The following FSIP2 variants were observed in gnomAD, a reference collection of about 807,000 sequenced individuals.
FSIP2 encodes fibrous sheath interacting protein 2.
A neutral mutation model predicts 510.5 loss-of-function variants in FSIP2; 367 were observed. The ratio of observed to expected loss-of-function variants is 0.72; its 90% CI spans 0.66 to 0.78. The LOEUF (loss-of-function observed/expected upper bound fraction) is 0.78. Ranked by LOEUF, FSIP2 falls within the 30% of genes least tolerant of loss-of-function variation. The pLI is 0.00. For missense variants in FSIP2, 7,594 were observed against 7,901.7 expected (o/e 0.96, Z 1.48); for synonymous variants, 2,601 against 2,732.2 (o/e 0.95, Z 1.50).
chr2:185,770,497 A>T (rs1692585734), intron 13 of FSIP2, among the ~76,000 whole-genome samples: 1 of 152,128 alleles, frequency 6.6e-6, no homozygotes, highest in Admixed American at 6.6e-5. Flanking sequence ...GGTGGGTGCC[A>T]CGCTCTTAAA....
chr2:185,780,752 AGCTC>A, intron 13 of FSIP2, among the ~76,000 whole-genome samples: 6 of 151,828 alleles, frequency 4.0e-5, no homozygotes, highest in African/African-American at 1.5e-4. Context: ...GTTATATGTG[AGCTC>A]AGTTTTGACA....
At chr2:185,751,768 CTTTAA>C (rs140702153) in intron 7 of FSIP2, among the ~76,000 whole-genome samples, 81,686 of 150,280 alleles carry the variant, frequency 0.54, 22,391 homozygotes, top group South Asian at 0.64. Context: ...CAGTATATGT[CTTTAA>C]TTTATTAGGG....
chr2:185,791,884 C>T lies in FSIP2; in HGVS notation c.4748C>T (p.Ser1583Leu), dbSNP rs2105615774. 2.0e-6 allele frequency: 3 copies of T among 1,533,862 alleles called. No homozygotes were observed. The East Asian group carries it at 7.3e-5, about 38-fold the overall frequency. Reference sequence around the variant, plus strand: ...CCAAATAAACTAAAAGCTGTAGCTTCAGATATTCTTAATATGGTTTTTGCT... The same window carrying T: ...CCAAATAAACTAAAAGCTGTAGCTTTAGATATTCTTAATATGGTTTTTGCT... ...MHPNKLKAVA[S>L]DILNMVFAKL... The change falls in exon 16 of 23, where the codon TCA becomes TTA. Residue 1583 changes from serine to leucine, a missense_variant. Transcript: ENST00000424728.
intron 19 of FSIP2, among the ~76,000 whole-genome samples, chr2:185,822,504 G>T (rs547999022): frequency 6.6e-6 from 1 of 151,876 alleles, no homozygotes; most frequent in South Asian, 2.1e-4. Context: ...ATTTAACCAA[G>T]GAATTGAAAG....
At position 185,797,317 on chromosome 2, in the gene FSIP2, A is replaced by T. The variant is rs1354627007; in HGVS notation, c.10181A>T (p.Glu3394Val). The T allele has an allele frequency of 1.3e-6, 2 of 1,525,688 alleles. No homozygotes were observed. The highest frequency in any genetic ancestry group is 1.4e-5 in the African/African-American group (1 of 72,098). The allele number at this position is 1,525,688 out of a possible 1,614,324, so 94.5% of individuals were successfully genotyped here. The change falls in exon 16 of 23, where the codon GAG becomes GTG. Residue 3394 changes from glutamate (E) to valine (V), a missense_variant. By Grantham distance (121) the Glu-to-Val change is moderately radical. Coordinates refer to ENST00000424728, the MANE Select transcript of FSIP2 (RefSeq NM_173651.4). Reference sequence around the variant, plus strand: ...GATAAAAAAATCAACTATATACCTGAGGAAGAAAATGAAAACCTTGAAGCC... The same window carrying T: ...GATAAAAAAATCAACTATATACCTGTGGAAGAAAATGAAAACCTTGAAGCC... ...MQDKKINYIPEEENENLEASR... is the reference protein window; with the variant it reads ...MQDKKINYIPVEENENLEASR...
intron 13 of FSIP2, chr2:185,765,779 T>C (rs1049730531): frequency 2.6e-5 from 4 of 152,094 alleles, no homozygotes; most frequent in African/African-American, 9.7e-5. Context: ...CCCATGAGCA[T>C]GGAATGTTCT....
At chr2:185,809,290 A>G (rs1168901498) in intron 17 of FSIP2, among the ~76,000 whole-genome samples, 157 bp downstream of exon 17, 1 of 152,068 alleles carries the variant, frequency 6.6e-6, no homozygotes, top group Non-Finnish European at 1.5e-5. Flanking sequence ...CCATACAGTC[A>G]TATTATTTAC....
chr2:185,795,451 G>A lies in FSIP2; in HGVS notation c.8315G>A (p.Gly2772Asp). ...ALPSDQIIAA[G>D]KIVNTVLQEL... ...CCATCTGATCAAATCATAGCAGCAG[G>A]TAAAATAGTTAATACAGTTTTGCAA... The change falls in exon 16 of 23, where the codon GGT becomes GAT. Residue 2772 changes from glycine (G) to aspartate (D), a missense_variant. By Grantham distance (94) the Gly-to-Asp change is moderately conservative. Transcript: ENST00000424728. 2 of 1,534,784 alleles carry A rather than the reference G, an allele frequency of 1.3e-6. No individual in the cohort carries two copies. Among genetic ancestry groups the A allele is most frequent in the African/African-American group, 1.4e-5 (1 of 73,002 alleles).
intron 13 of FSIP2, among the ~76,000 whole-genome samples, chr2:185,769,655 G>A (rs1447271220): frequency 2.0e-5 from 3 of 152,074 alleles, no homozygotes; most frequent in Non-Finnish European, 4.4e-5. Flanking sequence ...TTTTGCCTTT[G>A]TTGCAATTGC....
rs1320753580 is a variant in FSIP2 at position 185,796,971 on chromosome 2, G to A, written c.9835G>A (p.Asp3279Asn). 6 of 1,534,846 alleles carry A rather than the reference G, an allele frequency of 3.9e-6. No homozygotes were observed. The highest frequency in any genetic ancestry group is 1.4e-5 in the African/African-American group (1 of 72,910). The change falls in exon 16 of 23, where the codon GAC becomes AAC. Residue 3279 changes from aspartate to asparagine, a missense_variant. Physicochemically the swap from Asp to Asn is conservative, Grantham distance 23 (BLOSUM62 1). Transcript: ENST00000424728. ...ACAAAAGCTGCTTAGGAAAGCAAGTGACTCCACAGAAGCAGCATTAAAGCA... is the reference window on the plus strand; with the variant it reads ...ACAAAAGCTGCTTAGGAAAGCAAGTAACTCCACAGAAGCAGCATTAAAGCA... ...FLQKLLRKAS[D>N]STEAALKQVL... is the part of the protein sequence containing the mutation.
intron 13 of FSIP2, among the ~76,000 whole-genome samples, chr2:185,769,953 A>G (rs972733371): frequency 2.0e-5 from 3 of 152,084 alleles, no homozygotes; most frequent in Admixed American, 2.0e-4. Context: ...TACCAATACC[A>G]TGCTGTTTGG....
upstream of FSIP2, among the ~76,000 whole-genome samples, chr2:185,737,627 C>CT (rs1691810718): frequency 2.6e-5 from 4 of 152,134 alleles, no homozygotes; most frequent in South Asian, 8.3e-4. Flanking sequence ...TAGTTTCTGG[C>CT]TTGGGTAGAC....
intron 13 of FSIP2, among the ~76,000 whole-genome samples, chr2:185,774,101 T>C (rs979185663): frequency 2.0e-5 from 3 of 152,202 alleles, no homozygotes; most frequent in African/African-American, 7.2e-5. Flanking sequence ...TCCAGTCTTG[T>C]GTGAAATTGA....
Position 185,794,679 on chromosome 2 carries a change from A to ATATC in FSIP2, c.7546_7549dup (p.Asn2517IlefsTer2). 1 of 1,533,794 alleles carries ATATC rather than the reference A, an allele frequency of 6.5e-7. No homozygotes were observed. The highest frequency in any genetic ancestry group is 8.7e-7 in the Non-Finnish European group (1 of 1,145,522). ...TCCACTTAATGAAACTGCCAACTTT[A>ATATC]TATCTAATTCTAAGATTAAAACATC... On this transcript the variant is annotated frameshift_variant, in exon 16 of 23. Coordinates refer to ENST00000424728, the MANE Select transcript of FSIP2 (RefSeq NM_173651.4). LOFTEE classifies it high-confidence loss of function.
In FSIP2 at chr2:185,791,314, A is replaced by G; in HGVS notation, c.4178A>G (p.Gln1393Arg). 1 of 1,534,274 alleles carries G rather than the reference A, an allele frequency of 6.5e-7. No individual in the cohort carries two copies. The highest frequency in any genetic ancestry group is 8.7e-7 in the Non-Finnish European group (1 of 1,145,594). ...TCTGCAACTGACAGTGTTGATGTAC[A>G]AAGCATTTTGCCAAATAGGCAAGAT... The part of the protein sequence containing the change: ...PKSATDSVDV[Q>R]SILPNRQDKK... The change falls in exon 16 of 23, where the codon CAA (glutamine) becomes CGA (arginine). Residue 1393 changes from glutamine (Q) to arginine (R), a missense_variant. Transcript: ENST00000424728.
chr2:185,815,912 G>A (rs1693818822), intron 19 of FSIP2, among the ~76,000 whole-genome samples: 1 of 152,012 alleles, frequency 6.6e-6, no homozygotes, highest in African/African-American at 2.4e-5. Context: ...GAGATAAATG[G>A]TAGAAAGCAA....
intron 19 of FSIP2, among the ~76,000 whole-genome samples, 193 bp downstream of exon 19, chr2:185,815,664 T>C (rs1047653651): frequency 6.6e-6 from 1 of 152,046 alleles, no homozygotes; most frequent in Non-Finnish European, 1.5e-5. Flanking sequence ...TATTTTTAGA[T>C]ACCTGGCCTC....
chr2:185,803,021 TTATAGA>T lies in FSIP2; in HGVS notation c.13718_13723del (p.Ile4573_Asp4574del), dbSNP rs771368125. The T allele has an allele frequency of 2.5e-4, 386 of 1,528,922 alleles. No homozygotes were observed. The highest frequency in any genetic ancestry group is 3.1e-4 in the Non-Finnish European group (355 of 1,143,828). 94.7% of individuals were successfully genotyped at this position (1,528,922 alleles called of 1,614,324 possible). On this transcript the variant is annotated inframe_deletion, in exon 17 of 23. Coordinates refer to ENST00000424728, the MANE Select transcript of FSIP2 (RefSeq NM_173651.4). ...AATATCACAAGCAGTAATGACATTC[TTATAGA>T]TAGAATAGCAGGTTTCATCATTAAA...
At chr2:185,767,151 C>A (rs1441756439) in intron 13 of FSIP2, among the ~76,000 whole-genome samples, 1 of 145,356 alleles carries the variant, frequency 6.9e-6, no homozygotes, top group Non-Finnish European at 1.5e-5. Context: ...GGGAATATCA[C>A]ACTCTGGGGA....
Sources: allele counts gnomAD v4.1 joint callset (sites outside exome capture counted in the v4.1 genomes callset), GRCh38; gene constraint gnomAD v4.1.1; transcripts MANE v1.5; gene names NCBI Gene and HGNC (gene_info 2026-07-23, HGNC 2026-07-21).